SORCS1: variants seen among roughly 807,000 people sequenced by gnomAD.
SORCS1 encodes the protein VPS10 domain-containing receptor SorCS1.
In SORCS1, 60 loss-of-function variants were observed where a neutral mutation model predicts 146.1. The observed-to-expected ratio is 0.41, with a 90% CI of 0.33 to 0.51. The LOEUF (loss-of-function observed/expected upper bound fraction) is 0.51. SORCS1 is among the 20% of genes least tolerant of loss of function. The pLI is 0.21. For missense variants in SORCS1, 1,352 were observed against 1,487.6 expected, an observed-to-expected ratio of 0.91 and a Z score of 1.50; for synonymous variants, 637 against 584.0, an observed-to-expected ratio of 1.09 and a Z score of -1.31.
chr10:106,883,704 C>T (rs527636655), intron 2 of SORCS1, among the ~76,000 whole-genome samples: 8 of 152,336 alleles, frequency 5.3e-5, no homozygotes, highest in South Asian at 4.1e-4. Flanking sequence ...TGAGCCACCA[C>T]GCCCGGCCTT....
intron 9 of SORCS1, among the ~76,000 whole-genome samples, chr10:106,690,541 A>G (rs1465625921): frequency 6.6e-6 from 1 of 152,190 alleles, no homozygotes; most frequent in Non-Finnish European, 1.5e-5. Flanking sequence ...TTGGCCCCCG[A>G]CTGCTTGGCA....
chr10:106,607,296 G>A lies in SORCS1; in HGVS notation c.3035C>T (p.Ala1012Val). Residue 1012 changes from alanine (A) to valine (V), a missense_variant and splice_region_variant, in exon 23 of 26, where the codon GCC (alanine) becomes GTC (valine). Physicochemically the swap from Ala to Val is moderately conservative, Grantham distance 64 (BLOSUM62 0). This residue lies in a region of SORCS1 where 214 missense variants were observed against 204.8 expected (regional missense o/e 1.05). Coordinates refer to ENST00000263054, the MANE Select transcript of SORCS1 (RefSeq NM_052918.5). Reference protein sequence around the residue: ...GRVIKKSLVEATGVPGQHILV... With the variant: ...GRVIKKSLVEVTGVPGQHILV... ...GATGTGCTGGCCTGGAACCCCTGTG[G>A]CCTGAGGGACAGACACAGGGGCTCA... The A allele has an allele frequency of 6.2e-7, 1 of 1,613,940 alleles. No homozygotes were observed. The highest frequency in any genetic ancestry group is 8.5e-7 in the Non-Finnish European group (1 of 1,179,930).
chr10:106,965,109 C>T (rs1190022884), intron 1 of SORCS1, among the ~76,000 whole-genome samples: 2 of 151,878 alleles, frequency 1.3e-5, no homozygotes, highest in Non-Finnish European at 2.9e-5. Flanking sequence ...TCCACGTGTC[C>T]CCTCTGACAG....
At chr10:106,835,593 T>C (rs558378658) in intron 2 of SORCS1, among the ~76,000 whole-genome samples, 1 of 152,338 alleles carries the variant, frequency 6.6e-6, no homozygotes, top group Non-Finnish European at 1.5e-5. Context: ...TAGTTTTAGG[T>C]GGTACTTGGA....
intron 2 of SORCS1, among the ~76,000 whole-genome samples, chr10:106,942,794 ATTCTCTATCAG>A (rs1196085947): frequency 1.3e-5 from 2 of 151,880 alleles, no homozygotes; most frequent in African/African-American, 2.4e-5. Context: ...CTACCACTCA[ATTCTCTATCAG>A]TTCTCTATCA....
intron 1 of SORCS1, among the ~76,000 whole-genome samples, chr10:107,042,789 T>C (rs1002486323): frequency 6.6e-6 from 1 of 152,022 alleles, no homozygotes; most frequent in Non-Finnish European, 1.5e-5. Flanking sequence ...TTTGTATTTT[T>C]AGTAGAGATG....
intron 1 of SORCS1, among the ~76,000 whole-genome samples, chr10:107,024,068 G>A (rs997430006): frequency 1.3e-5 from 2 of 151,680 alleles, no homozygotes; most frequent in Non-Finnish European, 2.9e-5. Context: ...CAGCTACTCA[G>A]GAGGCTGAGA....
At chr10:106,595,366 C>A (rs1217235025) in intron 24 of SORCS1, among the ~76,000 whole-genome samples, 2 of 152,082 alleles carry the variant, frequency 1.3e-5, no homozygotes, top group Admixed American at 6.5e-5. Flanking sequence ...CTACTCAATC[C>A]TCCTTGCTCC....
At chr10:107,084,429 C>T (rs1041394537) in intron 1 of SORCS1, among the ~76,000 whole-genome samples, 3 of 151,956 alleles carry the variant, frequency 2.0e-5, no homozygotes, top group South Asian at 4.2e-4. Context: ...TGGACAAGAA[C>T]TATACTATTT....
chr10:107,063,956 A>G (rs553983781), intron 1 of SORCS1, among the ~76,000 whole-genome samples: 5 of 151,524 alleles, frequency 3.3e-5, no homozygotes, highest in African/African-American at 1.2e-4. Context: ...AAGATATCAG[A>G]CTTAAAATAT....
intron 1 of SORCS1, among the ~76,000 whole-genome samples, chr10:107,113,996 A>G (rs778677504): frequency 2.0e-5 from 3 of 152,144 alleles, no homozygotes; most frequent in Non-Finnish European, 1.5e-5. Context: ...ACAAAGGATC[A>G]TAAGAGACTA....
chr10:107,030,209 G>A (rs1350123685), intron 1 of SORCS1, among the ~76,000 whole-genome samples: 3 of 152,080 alleles, frequency 2.0e-5, no homozygotes, highest in East Asian at 1.9e-4. Flanking sequence ...CCAGGTGACC[G>A]CAGAGAAGCA....
At chr10:107,101,415 G>A (rs1964916642) in intron 1 of SORCS1, among the ~76,000 whole-genome samples, 1 of 152,164 alleles carries the variant, frequency 6.6e-6, no homozygotes, top group South Asian at 2.1e-4. Flanking sequence ...TGACATGTCT[G>A]TATCAACCAA....
intron 1 of SORCS1, among the ~76,000 whole-genome samples, chr10:107,140,482 G>C (rs540640208): frequency 5.1e-4 from 78 of 152,160 alleles, no homozygotes; most frequent in Middle Eastern, 3.4e-3. Context: ...GTTCTTATTG[G>C]CCCATGTTGT....
At chr10:107,104,139 C>A (rs1344025140) in intron 1 of SORCS1, among the ~76,000 whole-genome samples, 3 of 151,592 alleles carry the variant, frequency 2.0e-5, no homozygotes, top group Non-Finnish European at 4.4e-5. Flanking sequence ...ACTGCCAGTG[C>A]AACTGAGAAA....
chr10:106,843,603 G>C (rs1297659663), intron 2 of SORCS1, among the ~76,000 whole-genome samples: 1 of 151,568 alleles, frequency 6.6e-6, no homozygotes, highest in African/African-American at 2.4e-5. Context: ...AGCTTATTCT[G>C]TTTTTGTATT....
rs542768555 is a variant in SORCS1, at chr10:106,862,662, T to G, written c.627-32989A>C. Among the ~76,000 whole-genome samples the G allele has an allele frequency of 6.6e-5, 10 of 151,994 alleles. No homozygotes were observed. The South Asian group carries it at 2.1e-3, about 32-fold the overall frequency. On this transcript the variant is annotated intron_variant, in intron 2 of 25. Coordinates refer to ENST00000263054, the MANE Select transcript of SORCS1 (RefSeq NM_052918.5). ...AAATAGTTTTCATATAATAAAAAGT[T>G]TGGCTGGGCGCGGTGGCTCGCGCCT...
chr10:107,006,550 G>T (rs962921278), intron 1 of SORCS1, among the ~76,000 whole-genome samples: 1 of 152,232 alleles, frequency 6.6e-6, no homozygotes, highest in East Asian at 1.9e-4. Context: ...GGGCATGGTG[G>T]CTCACGCCTG....
At chr10:106,895,696 C>A (rs142549896) in intron 2 of SORCS1, among the ~76,000 whole-genome samples, 2 of 152,104 alleles carry the variant, frequency 1.3e-5, no homozygotes, top group African/African-American at 4.8e-5. Context: ...GACTACAAAA[C>A]GGTACAACCA....
Sources: allele counts gnomAD v4.1 joint callset (sites outside exome capture counted in the v4.1 genomes callset), GRCh38; gene constraint gnomAD v4.1.1; regional missense constraint gnomAD v4.1.1; transcripts MANE v1.5; gene names NCBI Gene and HGNC (gene_info 2026-07-23, HGNC 2026-07-21).